The following RGS17 variants were observed in gnomAD, a reference collection of about 807,000 sequenced individuals.
RGS17 encodes regulator of G protein signaling 17.
In RGS17, 12 loss-of-function variants were observed where a neutral mutation model predicts 25.5. The observed-to-expected ratio is 0.47, with a 90% CI of 0.30 to 0.76. The LOEUF (loss-of-function observed/expected upper bound fraction) is 0.76. Ranked by LOEUF, RGS17 falls within the 30% of genes least tolerant of loss-of-function variation. The probability of loss-of-function intolerance (pLI) is 0.07; values close to 1 mark genes in which losing one functional copy is unlikely to be tolerated. For missense variants in RGS17, 196 were observed against 242.2 expected (o/e 0.81, Z 1.27); for synonymous variants, 71 against 76.9 (o/e 0.92, Z 0.40).
At chr6:153,114,923 C>A (rs190730645) in intron 1 of RGS17, among the ~76,000 whole-genome samples, 1 of 152,110 alleles carries the variant, frequency 6.6e-6, no homozygotes, top group Non-Finnish European at 1.5e-5. Flanking sequence ...ATTGATGGAA[C>A]GTATCTCAAA....
chr6:153,051,656 G>A (rs1180786871), intron 1 of RGS17, among the ~76,000 whole-genome samples: 1 of 152,136 alleles, frequency 6.6e-6, no homozygotes, highest in East Asian at 1.9e-4. Context: ...GCTAAGTACT[G>A]AAGGCACGGC....
At chr6:153,068,518 G>C (rs1776741001) in intron 1 of RGS17, among the ~76,000 whole-genome samples, 1 of 152,062 alleles carries the variant, frequency 6.6e-6, no homozygotes. Flanking sequence ...AAACACTAGG[G>C]AACATCTCTA....
At chr6:153,034,759 A>G (rs1776217486) in intron 2 of RGS17, among the ~76,000 whole-genome samples, 2 of 152,228 alleles carry the variant, frequency 1.3e-5, no homozygotes, top group Admixed American at 1.3e-4. Context: ...GTAATTGTCA[A>G]ATATGGCAAG....
intron 1 of RGS17, among the ~76,000 whole-genome samples, chr6:153,063,114 G>T (rs1407671771): frequency 6.6e-6 from 1 of 152,128 alleles, no homozygotes; most frequent in Non-Finnish European, 1.5e-5. Flanking sequence ...AAGGAGCCCA[G>T]GCAGTGACGA....
intron 1 of RGS17, 111 bp from the exon 2 acceptor site, chr6:153,044,154 G>A: frequency 3.1e-6 from 2 of 643,824 alleles, no homozygotes; most frequent in Non-Finnish European, 2.7e-6. Context: ...TTTAAGAAAA[G>A]GTAAAATAAG....
chr6:153,100,532 CTAAAAA>C (rs1777284930), intron 1 of RGS17, among the ~76,000 whole-genome samples: 1 of 83,016 alleles, frequency 1.2e-5, no homozygotes, highest in African/African-American at 5.9e-5. Context: ...TACCCATCAC[CTAAAAA>C]GAAAAAGAAA....
At chr6:153,065,282 T>C (rs1776691786) in intron 1 of RGS17, among the ~76,000 whole-genome samples, 1 of 151,952 alleles carries the variant, frequency 6.6e-6, no homozygotes, top group South Asian at 2.1e-4. Flanking sequence ...CAACCAGAAA[T>C]AAATAAAACA....
chr6:153,074,808 T>C (rs894938514), intron 1 of RGS17, among the ~76,000 whole-genome samples: 1 of 152,206 alleles, frequency 6.6e-6, no homozygotes, highest in African/African-American at 2.4e-5. Context: ...CAGAGACAGA[T>C]TATTTACTGA....
intron 1 of RGS17, among the ~76,000 whole-genome samples, chr6:153,079,629 C>G (rs1157015884): frequency 1.3e-5 from 2 of 152,116 alleles, no homozygotes; most frequent in African/African-American, 4.8e-5. Flanking sequence ...AGTATCAAAT[C>G]AAACTCATAA....
chr6:153,060,141 A>G (rs142292322), intron 1 of RGS17, among the ~76,000 whole-genome samples: 1 of 152,196 alleles, frequency 6.6e-6, no homozygotes, highest in African/African-American at 2.4e-5. Flanking sequence ...TGTTTCCCAG[A>G]GTCAGAAGGA....
chr6:153,023,746 T>C (rs1251197893), intron 4 of RGS17, among the ~76,000 whole-genome samples: 1 of 152,198 alleles, frequency 6.6e-6, no homozygotes, highest in African/African-American at 2.4e-5. Context: ...ACATGTCAGA[T>C]TTCTTTTTTT....
intron 3 of RGS17, 106 bp from the exon 4 acceptor site, chr6:153,024,602 C>T: frequency 1.2e-6 from 1 of 809,648 alleles, no homozygotes; most frequent in South Asian, 1.6e-5. Context: ...TTGCTGCCAT[C>T]TAGTGGTCAG....
At chr6:153,051,376 A>C (rs1304721136) in intron 1 of RGS17, among the ~76,000 whole-genome samples, 1 of 152,224 alleles carries the variant, frequency 6.6e-6, no homozygotes, top group African/African-American at 2.4e-5. Context: ...TTCTTAAAGA[A>C]TACATATGTA....
At chr6:153,127,432 T>C (rs532619323) in intron 1 of RGS17, among the ~76,000 whole-genome samples, 1 of 152,372 alleles carries the variant, frequency 6.6e-6, no homozygotes, top group African/African-American at 2.4e-5. Flanking sequence ...CCAAGCACTA[T>C]GTTCAGTACT....
intron 2 of RGS17, among the ~76,000 whole-genome samples, chr6:153,030,604 C>T (rs114563021): frequency 5.6e-4 from 85 of 152,304 alleles, no homozygotes; most frequent in African/African-American, 2.0e-3. Context: ...TATTTAACAG[C>T]TTCTACCTCA....
At chr6:153,054,013 T>A (rs1459994934) in intron 1 of RGS17, among the ~76,000 whole-genome samples, 1 of 36,236 alleles carries the variant, frequency 2.8e-5, no homozygotes, top group East Asian at 1.1e-3. Context: ...TATATACGTA[T>A]ATATGTATAT....
At chr6:153,028,090 T>G (rs1330384353) in intron 2 of RGS17, among the ~76,000 whole-genome samples, 3 of 152,132 alleles carry the variant, frequency 2.0e-5, no homozygotes, top group African/African-American at 7.2e-5. Flanking sequence ...GAGAGCAGAC[T>G]CACTGGAAAA....
intron 1 of RGS17, among the ~76,000 whole-genome samples, chr6:153,109,805 C>A (rs1007559138): frequency 6.6e-6 from 1 of 152,184 alleles, no homozygotes; most frequent in Non-Finnish European, 1.5e-5. Context: ...AGTCTAAAAC[C>A]TTTTGCTTGT....
chr6:153,035,640 G>A (rs1289503644), intron 2 of RGS17, among the ~76,000 whole-genome samples: 1 of 152,158 alleles, frequency 6.6e-6, no homozygotes, highest in Non-Finnish European at 1.5e-5. Context: ...GGAATTTTCT[G>A]GAGGAATTTG....
Sources: gnomAD v4.1 joint callset for allele counts (sites outside exome capture counted in the v4.1 genomes callset) on GRCh38, gnomAD v4.1.1 for gene constraint, MANE v1.5 for transcripts, NCBI Gene and HGNC (gene_info 2026-07-23, HGNC 2026-07-21) for gene names.